Variants in JPH3 observed in about 807,000 individuals in gnomAD.
JPH3 encodes junctophilin 3, also known as junctophilin-3.
JPH3 carries 11 observed loss-of-function variants against 59.6 expected under a neutral mutation model. The ratio of observed to expected loss-of-function variants is 0.18; its 90% CI spans 0.12 to 0.31. The LOEUF is 0.31. JPH3 is among the 10% of genes least tolerant of loss of function. JPH3 has a pLI of 1.00. For missense variants in JPH3, 1,202 were observed against 1,105.7 expected (o/e 1.09, Z -1.24); for synonymous variants, 673 against 483.6 (o/e 1.39, Z -5.14).
In JPH3 at chr16:87,644,487, C is replaced by T. The variant is rs143432868; in HGVS notation, c.612C>T (p.Ser204=). 330 of 1,612,924 alleles carry T rather than the reference C, an allele frequency of 2.0e-4. 1 individual carries two copies. The highest frequency in any genetic ancestry group is 1.8e-3 in the African/African-American group (136 of 75,058). The part of the protein sequence containing the change: ...GGFVLVAHSD[S]EILKSKKKGL... ...TCGTGCTCGTGGCCCACAGTGACTC[C>T]GAGATCCTCAAGAGCAAGAAGAAGG... The change falls in exon 2 of 5, where the codon TCC becomes TCT. Residue 204 remains serine, a synonymous_variant. Transcript: ENST00000284262.
At position 87,680,231 on chromosome 16, in the gene JPH3, G is replaced by A. The variant is rs185815729; in HGVS notation, c.1161-3911G>A. Among the ~76,000 whole-genome samples, 188 of 152,388 alleles carry A rather than the reference G, an allele frequency of 1.2e-3. 2 individuals are homozygous for A. Among genetic ancestry groups the A allele is most frequent in the African/African-American group, 4.2e-3 (173 of 41,598 alleles). On this transcript the variant is annotated intron_variant, in intron 2 of 4. Coordinates refer to ENST00000284262, the MANE Select transcript of JPH3 (RefSeq NM_020655.4). ...GCAGCTCTCCTTTGCCTTGGAACCCGCTTTGCTCCAGTGATCCCTGAGCCA... is the reference window on the plus strand; with the variant it reads ...GCAGCTCTCCTTTGCCTTGGAACCCACTTTGCTCCAGTGATCCCTGAGCCA...
intron 2 of JPH3, among the ~76,000 whole-genome samples, chr16:87,649,436 A>G (rs531573746): frequency 6.6e-6 from 1 of 152,240 alleles, no homozygotes; most frequent in African/African-American, 2.4e-5. Context: ...ATAGGAATTC[A>G]TCACAGTCCT....
At chr16:87,630,553 A>T (rs979882408) in intron 1 of JPH3, among the ~76,000 whole-genome samples, 1 of 152,214 alleles carries the variant, frequency 6.6e-6, no homozygotes. Context: ...TGTGGCTGGA[A>T]AAATGAGGTT....
In JPH3 at chr16:87,689,776, C is replaced by T. The variant is rs2033513094; in HGVS notation, c.1416C>T (p.Pro472=). Reference sequence around the variant, plus strand: ...GCACCACTCCCTCCGACCTGACCCCCGACGACAGCCCCCTGCAGAGCTTCC... The same window carrying T: ...GCACCACTCCCTCCGACCTGACCCCTGACGACAGCCCCCTGCAGAGCTTCC... ...RKGTTPSDLT[P]DDSPLQSFPT... is the part of the protein sequence containing the mutation. Residue 472 remains proline (P), a synonymous_variant, in exon 4 of 5, where the codon CCC becomes CCT. Coordinates refer to ENST00000284262, the MANE Select transcript of JPH3 (RefSeq NM_020655.4). 3.7e-6 allele frequency: 6 copies of T among 1,609,546 alleles called. No homozygotes were observed. The highest frequency in any genetic ancestry group is 2.2e-5 in the East Asian group (1 of 44,728).
At chr16:87,636,742 G>A (rs1165105204) in intron 1 of JPH3, among the ~76,000 whole-genome samples, 1 of 152,204 alleles carries the variant, frequency 6.6e-6, no homozygotes, top group African/African-American at 2.4e-5. Flanking sequence ...TGCAAACACG[G>A]GGCAGGAAAG....
At position 87,644,799 on chromosome 16, in the gene JPH3, G is replaced by T. The variant is rs772295091; in HGVS notation, c.924G>T (p.Gly308=). The T allele has an allele frequency of 6.2e-7, 1 of 1,613,204 alleles. No individual in the cohort carries two copies. The highest frequency in any genetic ancestry group is 2.2e-5 in the East Asian group (1 of 44,832). The change falls in exon 2 of 5, where the codon GGG becomes GGT. Residue 308 remains glycine (G), a synonymous_variant. Coordinates refer to ENST00000284262, the MANE Select transcript of JPH3 (RefSeq NM_020655.4). ...TCGGCGTGAGCCAGCGCTCGGACGG[G>T]CTCAAGTACGAGGGCGAGTGGGCCA... The part of the protein sequence containing the change: ...SGFGVSQRSD[G]LKYEGEWASN...
At chr16:87,646,604 C>A (rs371931083) in intron 2 of JPH3, among the ~76,000 whole-genome samples, 4 of 152,194 alleles carry the variant, frequency 2.6e-5, no homozygotes, top group Non-Finnish European at 5.9e-5. Context: ...ATCGGCCGAG[C>A]GCTCTCCTTG....
At chr16:87,696,422 TG>T in intron 4 of JPH3, 157 bp from the exon 5 acceptor site, 1 of 638,734 alleles carries the variant, frequency 1.6e-6, no homozygotes, top group Non-Finnish European at 2.8e-6. Context: ...GCTCAGGTTC[TG>T]GTGGGCCTTT....
intron 1 of JPH3, among the ~76,000 whole-genome samples, chr16:87,626,253 C>T (rs986527332): frequency 1.3e-5 from 2 of 152,154 alleles, no homozygotes; most frequent in East Asian, 1.9e-4. Context: ...TTTCATTGTG[C>T]ACACGTGCAG....
chr16:87,617,172 G>A (rs1409923285), intron 1 of JPH3, among the ~76,000 whole-genome samples: 1 of 152,166 alleles, frequency 6.6e-6, no homozygotes, highest in Non-Finnish European at 1.5e-5. Context: ...GCAGTGAGCC[G>A]AGATTGCGCC....
At position 87,644,533 on chromosome 16, in the gene JPH3, C is replaced by T. The variant is rs760985810; in HGVS notation, c.658C>T (p.Leu220=). ...KKKGLFRRSL[L]SGLKLRKSES... ...GAAGGGGCTGTTTCGGCGCTCGCTG[C>T]TGAGTGGGCTGAAGCTGCGCAAGTC... The change falls in exon 2 of 5, where the codon CTG becomes TTG. Residue 220 remains leucine (L), a synonymous_variant. Transcript: ENST00000284262. 4 of 1,612,794 alleles carry T rather than the reference C, an allele frequency of 2.5e-6. No individual in the cohort carries two copies. The highest frequency in any genetic ancestry group is 1.3e-5 in the African/African-American group (1 of 74,934).
intron 2 of JPH3, among the ~76,000 whole-genome samples, chr16:87,646,141 G>C (rs770558702): frequency 8.3e-4 from 127 of 152,246 alleles, no homozygotes; most frequent in Non-Finnish European, 3.7e-4. Context: ...GCCAGGGGCA[G>C]ACCTGGAGTT....
intron 3 of JPH3, among the ~76,000 whole-genome samples, chr16:87,687,768 G>C (rs567018526): frequency 1.1e-4 from 17 of 152,288 alleles, no homozygotes; most frequent in African/African-American, 3.8e-4. Context: ...CCCCTCTAGC[G>C]TGGGGTCTCC....
intron 1 of JPH3, among the ~76,000 whole-genome samples, chr16:87,618,106 G>C (rs371524907): frequency 6.6e-6 from 1 of 152,330 alleles, no homozygotes; most frequent in East Asian, 1.9e-4. Context: ...GCAGGTTGCA[G>C]TGAGTTGAGA....
intron 3 of JPH3, among the ~76,000 whole-genome samples, chr16:87,686,171 C>A (rs950605832): frequency 2.0e-5 from 3 of 152,208 alleles, no homozygotes; most frequent in Admixed American, 2.0e-4. Flanking sequence ...GGTGTTTCTA[C>A]CCCCACCCCC....
At chr16:87,623,174 G>C (rs2031251832) in intron 1 of JPH3, among the ~76,000 whole-genome samples, 1 of 152,224 alleles carries the variant, frequency 6.6e-6, no homozygotes, top group South Asian at 2.1e-4. Context: ...CTCTCGTCCT[G>C]GTCTCCTGGG....
intron 4 of JPH3, chr16:87,695,291 A>C (rs2033777031): frequency 4.4e-6 from 2 of 455,914 alleles, no homozygotes; most frequent in Non-Finnish European, 8.8e-6. Context: ...ACCAGAGGCC[A>C]GACTTGGGGG....
intron 2 of JPH3, among the ~76,000 whole-genome samples, chr16:87,673,666 C>T (rs966060492): frequency 6.6e-6 from 1 of 152,202 alleles, no homozygotes; most frequent in African/African-American, 2.4e-5. Context: ...TGGCTCACAC[C>T]TGTAATCCCA....
At position 87,684,101 on chromosome 16, in the gene JPH3, T is replaced by C. The variant is rs776940270; in HGVS notation, c.1161-41T>C. The C allele has an allele frequency of 2.6e-6, 4 of 1,510,610 alleles. No individual in the cohort carries two copies. The South Asian group carries it at 3.4e-5, about 13-fold the overall frequency. The allele number at this position is 1,510,610 out of a possible 1,614,324, so 93.6% of individuals were successfully genotyped here. ...CCTCAACCCAGACCCCTGTCACCTG[T>C]GCCCCCTGCCCCCCCTCACGCTCCT... On this transcript the variant is annotated intron_variant, in intron 2 of 4. Transcript: ENST00000284262.
Sources: allele counts gnomAD v4.1 joint callset (sites outside exome capture counted in the v4.1 genomes callset), GRCh38; gene constraint gnomAD v4.1.1; transcripts MANE v1.5; gene names NCBI Gene and HGNC (gene_info 2026-07-23, HGNC 2026-07-21).